The following USP50 variants were observed in gnomAD, a reference collection of about 807,000 sequenced individuals.
USP50 encodes ubiquitin specific peptidase 50.
A neutral mutation model predicts 39.2 loss-of-function variants in USP50; 37 were observed. The ratio of observed to expected loss-of-function variants is 0.94; its 90% CI spans 0.73 to 1.24. USP50 has a LOEUF of 1.24. Ranked by LOEUF, USP50 falls within the 50% of genes most tolerant of loss-of-function variation. USP50 has a pLI of 0.00. For missense variants in USP50, 374 were observed against 398.2 expected, an observed-to-expected ratio of 0.94 and a Z score of 0.52; for synonymous variants, 139 against 144.5, an observed-to-expected ratio of 0.96 and a Z score of 0.27.
chr15:50,497,628 T>C (rs1335985476), downstream of USP50: 2 of 152,936 alleles, frequency 1.3e-5, no homozygotes, highest in African/African-American at 4.8e-5. Context: ...TGATAAAATA[T>C]GTTAACGATA....
chr15:50,543,442 C>A (rs1467388156), intron 3 of USP50, among the ~76,000 whole-genome samples, 156 bp downstream of exon 3: 1 of 152,202 alleles, frequency 6.6e-6, no homozygotes, highest in Non-Finnish European at 1.5e-5. Context: ...TACAGCTACA[C>A]ATTCAAATAC....
At chr15:50,493,109 T>G, downstream of USP50, 1 of 668,338 alleles carries the variant, frequency 1.5e-6, no homozygotes, top group Non-Finnish European at 2.7e-6. Context: ...GGTGCGCTTT[T>G]TTGCTGCATC....
At chr15:50,526,127 C>A (rs1219001010) in intron 6 of USP50, among the ~76,000 whole-genome samples, 1 of 152,166 alleles carries the variant, frequency 6.6e-6, no homozygotes, top group Non-Finnish European at 1.5e-5. Context: ...GGCACTATCT[C>A]AGCTCGCTGC....
intron 6 of USP50, chr15:50,505,267 A>G (rs1031393037): frequency 1.3e-5 from 2 of 152,186 alleles, no homozygotes; most frequent in African/African-American, 4.8e-5. Context: ...ACAAAGAGAA[A>G]AAGCTTAAAA....
intron 3 of USP50, among the ~76,000 whole-genome samples, chr15:50,542,943 A>G (rs1230123691): frequency 6.6e-6 from 1 of 152,208 alleles, no homozygotes; most frequent in Non-Finnish European, 1.5e-5. Flanking sequence ...GCATAAAGTC[A>G]AGGACACATT....
At chr15:50,500,368 G>A (rs1470436346), downstream of USP50, 2 of 158,880 alleles carry the variant, frequency 1.3e-5, no homozygotes, top group Non-Finnish European at 2.8e-5. Flanking sequence ...GATATTTTCT[G>A]ATAAACACTG....
intron 6 of USP50, among the ~76,000 whole-genome samples, chr15:50,516,340 A>G (rs12900618): frequency 0.49 from 75,157 of 152,122 alleles, 18,940 homozygotes; most frequent in East Asian, 0.57. Context: ...GGAGGCTCAC[A>G]CCTGTAATCC....
At chr15:50,511,807 G>C (rs976674533) in intron 6 of USP50, 2 of 152,100 alleles carry the variant, frequency 1.3e-5, no homozygotes, top group African/African-American at 4.8e-5. Context: ...GACCAGCCTG[G>C]GCAATATAGC....
intron 5 of USP50, among the ~76,000 whole-genome samples, chr15:50,532,850 G>GTTTCT (rs567622097): frequency 6.6e-6 from 1 of 152,148 alleles, no homozygotes. Context: ...ACAGTGGTTA[G>GTTTCT]TTTCTTTTCT....
intron 6 of USP50, chr15:50,512,553 C>T (rs2052751802): frequency 6.6e-6 from 1 of 152,058 alleles, no homozygotes; most frequent in African/African-American, 2.4e-5. Context: ...TTTGGGAGGC[C>T]CTGAGATGGG....
chr15:50,500,061 C>CTA (rs1190137336), downstream of USP50: 6 of 152,062 alleles, frequency 3.9e-5, no homozygotes, highest in South Asian at 4.2e-4. Context: ...GACTCAGTTG[C>CTA]TATATATATA....
downstream of USP50, chr15:50,500,152 A>AGAT (rs1318799106): frequency 4.6e-5 from 7 of 152,258 alleles, no homozygotes; most frequent in African/African-American, 1.7e-4. Flanking sequence ...CTCAGGGAGA[A>AGAT]GATGAAAGGA....
At chr15:50,527,211 T>C (rs930425471) in intron 6 of USP50, among the ~76,000 whole-genome samples, 6 of 152,166 alleles carry the variant, frequency 3.9e-5, no homozygotes, top group African/African-American at 1.4e-4. Flanking sequence ...GATTCTTTTT[T>C]TTCTTTTTTC....
chr15:50,503,083 C>T (rs1469908316), intron 6 of USP50: 1 of 152,266 alleles, frequency 6.6e-6, no homozygotes, highest in Non-Finnish European at 1.5e-5. Flanking sequence ...CCTGGTGGCT[C>T]ACGCCTGTAA....
intron 5 of USP50, among the ~76,000 whole-genome samples, chr15:50,537,153 C>T (rs996864422): frequency 3.3e-5 from 5 of 151,760 alleles, no homozygotes; most frequent in Admixed American, 3.3e-4. Flanking sequence ...ATCAACTGAT[C>T]ATTGACAAAG....
At chr15:50,522,362 C>T (rs1023555789) in intron 6 of USP50, among the ~76,000 whole-genome samples, 11 of 152,098 alleles carry the variant, frequency 7.2e-5, no homozygotes, top group Non-Finnish European at 1.5e-4. Context: ...GAGAAGGTTG[C>T]AGAATAGATC....
chr15:50,542,518 T>C (rs1269212887), intron 3 of USP50, among the ~76,000 whole-genome samples: 1 of 146,548 alleles, frequency 6.8e-6, no homozygotes, highest in Non-Finnish European at 1.5e-5. Context: ...AGACGGAGTC[T>C]TGCTCTGTCG....
At chr15:50,530,440 C>T (rs1338312181) in intron 5 of USP50, among the ~76,000 whole-genome samples, 3 of 151,726 alleles carry the variant, frequency 2.0e-5, no homozygotes, top group South Asian at 2.1e-4. Context: ...AAAAATTAGC[C>T]GGGCATGGTA....
At chr15:50,543,996 T>C in intron 2 of USP50, 1 of 569,030 alleles carries the variant, frequency 1.8e-6, no homozygotes. Context: ...TACCACTACT[T>C]CACCCCAGCT....
Sources: allele counts gnomAD v4.1 joint callset (sites outside exome capture counted in the v4.1 genomes callset), GRCh38; gene constraint gnomAD v4.1.1; transcripts MANE v1.5; gene names NCBI Gene and HGNC (gene_info 2026-07-23, HGNC 2026-07-21).